ENTREP2: variants seen among roughly 807,000 people sequenced by gnomAD.
ENTREP2 encodes endosomal transmembrane epsin interactor 2.
At chr15:29,232,907 A>G in the ENTREP2 span, among the ~76,000 whole-genome samples, 1 of 152,244 alleles carries the variant, frequency 6.6e-6, no homozygotes, top group Non-Finnish European at 1.5e-5. Flanking sequence ...TATATTTAAA[A>G]TACTTCATTA....
chr15:29,223,368 G>T, the ENTREP2 span, among the ~76,000 whole-genome samples: 1 of 152,104 alleles, frequency 6.6e-6, no homozygotes, highest in Non-Finnish European at 1.5e-5. Context: ...CTGGGATTCT[G>T]TTTCTTCCTC....
the ENTREP2 span, among the ~76,000 whole-genome samples, chr15:29,630,136 AAATAAAATTTTT>A: frequency 6.6e-6 from 1 of 152,168 alleles, no homozygotes; most frequent in Non-Finnish European, 1.5e-5. Flanking sequence ...ATAAATAAAT[AAATAAAATTTTT>A]AAAAAGAGTA....
the ENTREP2 span, among the ~76,000 whole-genome samples, chr15:29,307,774 A>C: frequency 6.6e-6 from 1 of 152,182 alleles, no homozygotes; most frequent in South Asian, 2.1e-4. Flanking sequence ...GTAAAGACAC[A>C]GTGGGAAGGC....
chr15:29,358,927 G>C, the ENTREP2 span, among the ~76,000 whole-genome samples: 1 of 152,134 alleles, frequency 6.6e-6, no homozygotes, highest in African/African-American at 2.4e-5. Flanking sequence ...AGAAATTAAA[G>C]AAAAACTGAT....
At chr15:29,126,453 T>G in the ENTREP2 span, 5 of 1,550,058 alleles carry the variant, frequency 3.2e-6, no homozygotes, top group Non-Finnish European at 4.4e-6. Flanking sequence ...GGCGTAGCAG[T>G]GCCCTCGGAC....
the ENTREP2 span, chr15:29,269,702 A>G: frequency 6.5e-7 from 1 of 1,536,598 alleles, no homozygotes. Flanking sequence ...GGTTTTTGCA[A>G]CATGTCTCCG....
the ENTREP2 span, among the ~76,000 whole-genome samples, chr15:29,251,124 A>G: frequency 2.6e-5 from 4 of 152,186 alleles, no homozygotes; most frequent in Non-Finnish European, 4.4e-5. Flanking sequence ...CACAGCAGAA[A>G]AGCTTCTGGT....
chr15:29,428,796 A>G, the ENTREP2 span, among the ~76,000 whole-genome samples: 2 of 152,172 alleles, frequency 1.3e-5, no homozygotes, highest in Non-Finnish European at 2.9e-5. Context: ...CCATTTAGAA[A>G]CCAGGAAATA....
At chr15:29,344,190 TG>T in the ENTREP2 span, among the ~76,000 whole-genome samples, 1 of 152,222 alleles carries the variant, frequency 6.6e-6, no homozygotes, top group African/African-American at 2.4e-5. Flanking sequence ...AGCCTGTGGC[TG>T]GGGAGACTTT....
chr15:29,329,991 C>T, the ENTREP2 span, among the ~76,000 whole-genome samples: 3 of 152,270 alleles, frequency 2.0e-5, no homozygotes, highest in Non-Finnish European at 4.4e-5. Context: ...ATAGTGACTT[C>T]CTTCCAAAGA....
the ENTREP2 span, chr15:29,252,392 G>A: frequency 6.4e-7 from 1 of 1,550,694 alleles, no homozygotes; most frequent in Non-Finnish European, 8.7e-7. Context: ...CTAGGGAGTT[G>A]ACTAGCTGAG....
At chr15:29,599,510 A>AGGC in the ENTREP2 span, among the ~76,000 whole-genome samples, 1 of 152,222 alleles carries the variant, frequency 6.6e-6, no homozygotes, top group Non-Finnish European at 1.5e-5. Context: ...GGATCAAGTT[A>AGGC]GGCATCAGGT....
At chr15:29,539,592 C>A in the ENTREP2 span, among the ~76,000 whole-genome samples, 1 of 152,096 alleles carries the variant, frequency 6.6e-6, no homozygotes, top group Non-Finnish European at 1.5e-5. Context: ...TCCCACATGC[C>A]CTGCCCCTAT....
At chr15:29,646,243 G>A in the ENTREP2 span, among the ~76,000 whole-genome samples, 3 of 152,306 alleles carry the variant, frequency 2.0e-5, no homozygotes, top group African/African-American at 7.2e-5. Flanking sequence ...CATTCTGGAG[G>A]TCAGAAGTCC....
the ENTREP2 span, among the ~76,000 whole-genome samples, chr15:29,286,111 T>C: frequency 3.3e-5 from 5 of 152,174 alleles, no homozygotes; most frequent in African/African-American, 1.2e-4. Context: ...AATGAGAATG[T>C]TGCCTCAAAG....
the ENTREP2 span, chr15:29,235,283 G>T: frequency 1.0e-5 from 5 of 480,386 alleles, no homozygotes; most frequent in East Asian, 1.7e-4. Context: ...ACTTAATAAT[G>T]ATTGGTCCTG....
At chr15:29,535,289 T>C in the ENTREP2 span, among the ~76,000 whole-genome samples, 1 of 152,136 alleles carries the variant, frequency 6.6e-6, no homozygotes, top group African/African-American at 2.4e-5. Flanking sequence ...AAAGCTAAAG[T>C]TGAACCTGAG....
the ENTREP2 span, among the ~76,000 whole-genome samples, chr15:29,322,382 T>C: frequency 1.3e-5 from 2 of 152,234 alleles, no homozygotes; most frequent in Non-Finnish European, 2.9e-5. Context: ...TTATCCCTTT[T>C]ATCTAAGATA....
At chr15:29,482,946 G>A in the ENTREP2 span, among the ~76,000 whole-genome samples, 3 of 152,316 alleles carry the variant, frequency 2.0e-5, no homozygotes, top group African/African-American at 7.2e-5. Flanking sequence ...GTAGTGTTTA[G>A]TGTTCCCACC....
Sources: gnomAD v4.1 joint callset for allele counts (sites outside exome capture counted in the v4.1 genomes callset) on GRCh38, gnomAD v4.1.1 for gene constraint, MANE v1.5 for transcripts, NCBI Gene and HGNC (gene_info 2026-07-23, HGNC 2026-07-21) for gene names.